Variants in SYN2 observed in about 807,000 individuals in gnomAD.
SYN2 encodes the protein synapsin II.
SYN2 carries 19 observed loss-of-function variants against 50.9 expected under a neutral mutation model. That is an observed-to-expected ratio of 0.37 (90% CI 0.26 to 0.55). The LOEUF (loss-of-function observed/expected upper bound fraction) is 0.55, where lower values mean the gene tolerates loss of function less well. SYN2 is among the 20% of genes least tolerant of loss of function. SYN2 has a pLI of 0.81. For missense variants in SYN2, 587 were observed against 576.4 expected (o/e 1.02, Z -0.19); for synonymous variants, 255 against 224.9 (o/e 1.13, Z -1.20).
intron 1 of SYN2, among the ~76,000 whole-genome samples, chr3:12,018,946 G>A (rs1694074786): frequency 6.6e-6 from 1 of 152,138 alleles, no homozygotes; most frequent in Non-Finnish European, 1.5e-5. Context: ...GGAGGAAATA[G>A]GTTTTCTCAA....
At chr3:12,155,506 A>C (rs1024933493) in intron 5 of SYN2, among the ~76,000 whole-genome samples, 2 of 152,178 alleles carry the variant, frequency 1.3e-5, no homozygotes, top group Non-Finnish European at 2.9e-5. Flanking sequence ...AGGGAGACAC[A>C]GCCTGGCAGC....
At chr3:12,159,803 G>A (rs1697594251) in intron 5 of SYN2, among the ~76,000 whole-genome samples, 1 of 152,080 alleles carries the variant, frequency 6.6e-6, no homozygotes, top group Non-Finnish European at 1.5e-5. Context: ...AGCACTTTGG[G>A]AAGCCAAGGC....
intron 10 of SYN2, among the ~76,000 whole-genome samples, chr3:12,175,265 G>T (rs564164375): frequency 6.6e-6 from 1 of 152,210 alleles, no homozygotes; most frequent in Non-Finnish European, 1.5e-5. Flanking sequence ...TCACCATTTG[G>T]AAGAGGCATC....
At chr3:12,057,901 T>G (rs535997728) in intron 1 of SYN2, among the ~76,000 whole-genome samples, 1 of 152,352 alleles carries the variant, frequency 6.6e-6, no homozygotes, top group African/African-American at 2.4e-5. Flanking sequence ...GTCTTTATTT[T>G]GATCCTTTTA....
intron 1 of SYN2, among the ~76,000 whole-genome samples, chr3:12,125,304 G>A (rs1696647415): frequency 6.6e-6 from 1 of 152,182 alleles, no homozygotes; most frequent in Non-Finnish European, 1.5e-5. Context: ...CCAGCCAGCT[G>A]CTGAGGATTC....
chr3:12,098,803 A>G (rs906751241), intron 1 of SYN2, among the ~76,000 whole-genome samples: 1 of 150,178 alleles, frequency 6.7e-6, no homozygotes, highest in Non-Finnish European at 1.5e-5. Context: ...TATGCTGTCT[A>G]CAAGAGTTAC....
intron 12 of SYN2, among the ~76,000 whole-genome samples, chr3:12,188,233 C>G (rs1037497635): frequency 1.3e-5 from 2 of 152,234 alleles, no homozygotes; most frequent in African/African-American, 4.8e-5. Context: ...TGGGTTCCCC[C>G]ACACCCAGCA....
At chr3:12,076,170 T>A (rs1695462677) in intron 1 of SYN2, among the ~76,000 whole-genome samples, 1 of 152,050 alleles carries the variant, frequency 6.6e-6, no homozygotes, top group African/African-American at 2.4e-5. Context: ...ATGCTGCCTT[T>A]AAGCGCTGGG....
chr3:12,173,697 C>T (rs752542188), intron 10 of SYN2, among the ~76,000 whole-genome samples: 12 of 152,042 alleles, frequency 7.9e-5, no homozygotes, highest in South Asian at 4.1e-4. Flanking sequence ...AGGTAGATCA[C>T]GAGGTCAGGA....
intron 1 of SYN2, among the ~76,000 whole-genome samples, chr3:12,028,540 G>A (rs1385426584): frequency 6.7e-6 from 1 of 148,906 alleles, no homozygotes; most frequent in East Asian, 2.0e-4. Flanking sequence ...AGCACCTGTT[G>A]TTTCCTGACT....
chr3:12,110,168 A>C (rs959693408), intron 1 of SYN2, among the ~76,000 whole-genome samples: 8 of 152,196 alleles, frequency 5.3e-5, no homozygotes, highest in Non-Finnish European at 1.2e-4. Context: ...ATCCTGGGCA[A>C]CAGAGGGAGA....
rs537759269 is a variant in SYN2 at position 12,037,569 on chromosome 3, C to T, written c.377+32641C>T. On this transcript the variant is annotated intron_variant, in intron 1 of 12. Coordinates refer to ENST00000621198, the MANE Select transcript of SYN2 (RefSeq NM_133625.6). ...TGGTGTGTGAGAGAGAGTGTGAGCA[C>T]AAGAGCAAGTGAGAGCAAGAACTAG... Among the ~76,000 whole-genome samples, 4 of 152,240 alleles carry T rather than the reference C, an allele frequency of 2.6e-5. No homozygotes were observed. In the South Asian group the frequency reaches 8.3e-4, roughly 32 times the overall value.
At chr3:12,189,041 C>G (rs1199987381) in intron 12 of SYN2, among the ~76,000 whole-genome samples, 1 of 152,160 alleles carries the variant, frequency 6.6e-6, no homozygotes, top group African/African-American at 2.4e-5. Flanking sequence ...GTTCCCAGCC[C>G]TAATGAAAGG....
chr3:12,160,042 C>CAAAAAAAAAA (rs3079818), intron 5 of SYN2, among the ~76,000 whole-genome samples: 1 of 67,612 alleles, frequency 1.5e-5, no homozygotes, highest in Non-Finnish European at 2.6e-5. Flanking sequence ...GACTCCGTCT[C>CAAAAAAAAAA]AAAAAAAAAA....
chr3:12,167,376 A>G, intron 8 of SYN2, 68 bp downstream of exon 8: 1 of 1,499,980 alleles, frequency 6.7e-7, no homozygotes, highest in Non-Finnish European at 9.1e-7. Flanking sequence ...GAAGAAGTTT[A>G]GGAATTAAGC....
At chr3:12,146,392 C>T (rs1697150629) in intron 4 of SYN2, among the ~76,000 whole-genome samples, 1 of 152,134 alleles carries the variant, frequency 6.6e-6, no homozygotes, top group Non-Finnish European at 1.5e-5. Context: ...CAAAGCCTAA[C>T]CCTAATTCTG....
At chr3:12,083,583 T>C (rs1164636228) in intron 1 of SYN2, among the ~76,000 whole-genome samples, 2 of 152,174 alleles carry the variant, frequency 1.3e-5, no homozygotes, top group Admixed American at 6.5e-5. Context: ...CCTTAGAAAA[T>C]ACTGGAAGTG....
intron 11 of SYN2, among the ~76,000 whole-genome samples, chr3:12,186,727 G>A (rs1698347887): frequency 6.6e-6 from 1 of 152,196 alleles, no homozygotes; most frequent in South Asian, 2.1e-4. Flanking sequence ...ACCAAGGGCA[G>A]CTCCATAAAA....
At chr3:12,101,888 A>T (rs1696084992) in intron 1 of SYN2, among the ~76,000 whole-genome samples, 1 of 152,158 alleles carries the variant, frequency 6.6e-6, no homozygotes, top group South Asian at 2.1e-4. Context: ...AGCAATGTCC[A>T]GTTGCCTGGG....
Sources: gnomAD v4.1 joint callset for allele counts (sites outside exome capture counted in the v4.1 genomes callset) on GRCh38, gnomAD v4.1.1 for gene constraint, MANE v1.5 for transcripts, NCBI Gene and HGNC (gene_info 2026-07-23, HGNC 2026-07-21) for gene names.